The following COX8A variants were observed in gnomAD, a reference collection of about 807,000 sequenced individuals.
COX8A encodes cytochrome c oxidase subunit 8A.
A neutral mutation model predicts 4.4 loss-of-function variants in COX8A; 6 were observed. The observed-to-expected ratio is 1.36, with a 90% CI of 0.74 to 2.68. COX8A has a LOEUF of 2.68. Ranked by LOEUF, COX8A falls within the 30% of genes most tolerant of loss-of-function variation. The pLI is 0.00. For synonymous variants in COX8A, 53 were observed against 47.1 expected (o/e 1.12, Z -0.51); for missense variants, 72 against 89.6 (o/e 0.80, Z 0.79).
Position 63,974,772 on chromosome 11 carries a change from C to T in COX8A, c.92C>T (p.Pro31Leu). The change falls in exon 1 of 2, where the codon CCG (proline) becomes CTG (leucine). Residue 31 changes from proline to leucine, a missense_variant. Pro to Leu is a moderately conservative substitution (Grantham distance 98, BLOSUM62 -3). Transcript: ENST00000314133. ...VPRAKIHSLP[P>L]EGKLGIMELA... ...CGCGCCAAGATCCATTCGTTGCCGC[C>T]GGAGGGGAAGCTTGGGATCATGGTG... The T allele has an allele frequency of 1.2e-6, 2 of 1,607,220 alleles. No homozygotes were observed. Among genetic ancestry groups the T allele is most frequent in the East Asian group, 2.2e-5 (1 of 44,668 alleles).
chr11:63,976,378 T>C lies in COX8A; in HGVS notation c.*58T>C. The C allele has an allele frequency of 6.7e-7, 1 of 1,495,170 alleles. No individual in the cohort carries two copies. Among genetic ancestry groups the C allele is most frequent in the Non-Finnish European group, 9.3e-7 (1 of 1,073,174 alleles). The allele number at this position is 1,495,170 out of a possible 1,614,324, so 92.6% of individuals were successfully genotyped here. A position where few individuals can be genotyped will look rare whatever the true frequency, so the allele number is the denominator to read the frequency against. ...GACCAGCCCCACCGGCCCATCCTGG[T>C]CATGTTACTGCATTTGTGGCCGGCC... On this transcript the variant is annotated 3_prime_UTR_variant, in exon 2 of 2. Coordinates refer to ENST00000314133, the MANE Select transcript of COX8A (RefSeq NM_004074.3).
Position 63,976,370 on chromosome 11 carries a change from C to T in COX8A, c.*50C>T. On this transcript the variant is annotated 3_prime_UTR_variant, in exon 2 of 2. Coordinates refer to ENST00000314133, the MANE Select transcript of COX8A (RefSeq NM_004074.3). ...TGTGACCTGACCAGCCCCACCGGCC[C>T]ATCCTGGTCATGTTACTGCATTTGT... is the stretch of plus-strand genomic sequence containing the variant. The T allele has an allele frequency of 3.3e-6, 5 of 1,529,824 alleles. No homozygotes were observed. The highest frequency in any genetic ancestry group is 4.5e-6 in the Non-Finnish European group (5 of 1,104,380). The allele number at this position is 1,529,824 out of a possible 1,614,324, so 94.8% of individuals were successfully genotyped here.
Position 63,974,687 on chromosome 11 carries a change from G to A in COX8A, c.7G>A (p.Val3Ile). 1 of 1,606,470 alleles carries A rather than the reference G, an allele frequency of 6.2e-7. No individual in the cohort carries two copies. Among genetic ancestry groups the A allele is most frequent in the Non-Finnish European group, 8.5e-7 (1 of 1,176,278 alleles). The change falls in exon 1 of 2, where the codon GTC becomes ATC. Residue 3 changes from valine (V) to isoleucine (I), a missense_variant. Transcript: ENST00000314133. MS[V>I]LTPLLLRGLT... ...TGGTGTACTCCGTGCCATCATGTCC[G>A]TCCTGACGCCGCTGCTGCTGCGGGG...
rs745949117 is a variant in COX8A at position 63,976,307 on chromosome 11, G to A, written c.197G>A (p.Arg66Lys). 2 of 1,614,140 alleles carry A rather than the reference G, an allele frequency of 1.2e-6. No homozygotes were observed. ...GWILSHLETY[R>K]RPE Reference sequence around the variant, plus strand: ...ATCCTGTCACACCTGGAGACCTACAGGAGGCCAGAGTGAAGGGGTCCGTTC... The same window carrying A: ...ATCCTGTCACACCTGGAGACCTACAAGAGGCCAGAGTGAAGGGGTCCGTTC... Residue 66 changes from arginine to lysine, a missense_variant, in exon 2 of 2, where the codon AGG becomes AAG. Coordinates refer to ENST00000314133, the MANE Select transcript of COX8A (RefSeq NM_004074.3).
chr11:63,974,672 C>A lies in COX8A; in HGVS notation c.-9C>A, dbSNP rs773908478. 11 of 1,599,604 alleles carry A rather than the reference C, an allele frequency of 6.9e-6. No homozygotes were observed. The highest frequency in any genetic ancestry group is 1.7e-4 in the Middle Eastern group (1 of 6,034). On this transcript the variant is annotated 5_prime_UTR_variant, in exon 1 of 2. Transcript: ENST00000314133. ...GCTGACCGTTTTTTGTGGTGTACTC[C>A]GTGCCATCATGTCCGTCCTGACGCC...
In COX8A at chr11:63,976,272, A is replaced by G; in HGVS notation, c.162A>G (p.Pro54=). The G allele has an allele frequency of 6.2e-7, 1 of 1,614,158 alleles. No homozygotes were observed. The highest frequency in any genetic ancestry group is 8.5e-7 in the Non-Finnish European group (1 of 1,180,034). Residue 54 remains proline, a synonymous_variant, in exon 2 of 2, where the codon CCA becomes CCG. Coordinates refer to ENST00000314133, the MANE Select transcript of COX8A (RefSeq NM_004074.3). ...CCTGCTTCGTGACCTTCCTCCTGCC[A>G]GCGGGCTGGATCCTGTCACACCTGG... ...LTSCFVTFLL[P]AGWILSHLET... is the part of the protein sequence containing the mutation.
At chr11:63,976,148 G>A in intron 1 of COX8A, 77 bp from the exon 2 acceptor site, 1 of 1,396,952 alleles carries the variant, frequency 7.2e-7, no homozygotes, top group Non-Finnish European at 1.0e-6. Context: ...GCTTTCTGCT[G>A]CCTGGGAACT....
Position 63,976,295 on chromosome 11 carries a change from T to G in COX8A, c.185T>G (p.Leu62Arg). ...LLPAGWILSH[L>R]ETYRRPE ...CCAGCGGGCTGGATCCTGTCACACC[T>G]GGAGACCTACAGGAGGCCAGAGTGA... is the stretch of plus-strand genomic sequence containing the variant. The change falls in exon 2 of 2, where the codon CTG (leucine) becomes CGG (arginine). Residue 62 changes from leucine to arginine, a missense_variant. Physicochemically the swap from Leu to Arg is moderately radical, Grantham distance 102 (BLOSUM62 -2). Coordinates refer to ENST00000314133, the MANE Select transcript of COX8A (RefSeq NM_004074.3). The G allele has an allele frequency of 6.2e-7, 1 of 1,614,194 alleles. No individual in the cohort carries two copies. Among genetic ancestry groups the G allele is most frequent in the Non-Finnish European group, 8.5e-7 (1 of 1,180,020 alleles).
At position 63,976,438 on chromosome 11, in the gene COX8A, C is replaced by T. The variant is rs1942541769; in HGVS notation, c.*118C>T. 3.3e-6 allele frequency: 3 copies of T among 906,330 alleles called. No individual in the cohort carries two copies. The highest frequency in any genetic ancestry group is 3.5e-6 in the Non-Finnish European group (2 of 567,664). 56.1% of individuals were successfully genotyped at this position (906,330 alleles called of 1,614,324 possible). A position where few individuals can be genotyped will look rare whatever the true frequency, so the allele number is the denominator to read the frequency against. ...TCATGTCATTCAATTCCAGTCACCTCTTCTGCAATCATGACCTCTTGATGT... is the reference window on the plus strand; with the variant it reads ...TCATGTCATTCAATTCCAGTCACCTTTTCTGCAATCATGACCTCTTGATGT... On this transcript the variant is annotated 3_prime_UTR_variant, in exon 2 of 2. Transcript: ENST00000314133.
chr11:63,975,696 T>C (rs1335752675), intron 1 of COX8A, among the ~76,000 whole-genome samples: 2 of 151,936 alleles, frequency 1.3e-5, no homozygotes, highest in Admixed American at 6.6e-5. Context: ...TTCTCCTGCC[T>C]CAGTCTCCCG....
chr11:63,976,274 C>T lies in COX8A; in HGVS notation c.164C>T (p.Ala55Val), dbSNP rs754961342. 6.2e-6 allele frequency: 10 copies of T among 1,614,036 alleles called. No individual in the cohort carries two copies. Among genetic ancestry groups the T allele is most frequent in the African/African-American group, 2.7e-5 (2 of 74,912 alleles). Reference sequence around the variant, plus strand: ...TGCTTCGTGACCTTCCTCCTGCCAGCGGGCTGGATCCTGTCACACCTGGAG... The same window carrying T: ...TGCTTCGTGACCTTCCTCCTGCCAGTGGGCTGGATCCTGTCACACCTGGAG... The part of the protein sequence containing the change: ...TSCFVTFLLP[A>V]GWILSHLETY... Residue 55 changes from alanine to valine, a missense_variant, in exon 2 of 2, where the codon GCG (alanine) becomes GTG (valine). Physicochemically the swap from Ala to Val is moderately conservative, Grantham distance 64. Coordinates refer to ENST00000314133, the MANE Select transcript of COX8A (RefSeq NM_004074.3).
Position 63,976,260 on chromosome 11 carries a change from C to A in COX8A, c.150C>A (p.Thr50=). The change falls in exon 2 of 2, where the codon ACC becomes ACA. Residue 50 remains threonine (T), a synonymous_variant. Transcript: ENST00000314133. The part of the protein sequence containing the change: ...LAVGLTSCFV[T]FLLPAGWILS... ...TTGGGCTTACCTCCTGCTTCGTGAC[C>A]TTCCTCCTGCCAGCGGGCTGGATCC... is the stretch of plus-strand genomic sequence containing the variant. The A allele has an allele frequency of 1.2e-6, 2 of 1,614,178 alleles. No individual in the cohort carries two copies. The highest frequency in any genetic ancestry group is 1.7e-6 in the Non-Finnish European group (2 of 1,180,038).
chr11:63,975,012 C>CGGGTCT (rs1942526583), intron 1 of COX8A, among the ~76,000 whole-genome samples: 1 of 152,114 alleles, frequency 6.6e-6, no homozygotes, highest in Non-Finnish European at 1.5e-5. Context: ...CCCAGGATCT[C>CGGGTCT]GGGTCTGGTC....
Position 63,974,717 on chromosome 11 carries a change from A to G in COX8A, c.37A>G (p.Thr13Ala), listed in dbSNP as rs754143036. The change falls in exon 1 of 2, where the codon ACA becomes GCA. Residue 13 changes from threonine to alanine, a missense_variant. Thr to Ala is a moderately conservative substitution (Grantham distance 58). Transcript: ENST00000314133. ...GACGCCGCTGCTGCTGCGGGGCTTG[A>G]CAGGCTCGGCCCGGCGGCTCCCAGT... ...VLTPLLLRGL[T>A]GSARRLPVPR... 5 of 1,609,960 alleles carry G rather than the reference A, an allele frequency of 3.1e-6. No individual in the cohort carries two copies.
chr11:63,974,942 C>A, intron 1 of COX8A, 148 bp downstream of exon 1: 1 of 712,660 alleles, frequency 1.4e-6, no homozygotes, highest in South Asian at 1.9e-5. Flanking sequence ...AGGGCGCGAA[C>A]GACGGGGACA....
intron 1 of COX8A, among the ~76,000 whole-genome samples, chr11:63,975,922 TC>T (rs1942536063): frequency 6.6e-6 from 1 of 152,172 alleles, no homozygotes; most frequent in Non-Finnish European, 1.5e-5. Flanking sequence ...CTGCTTCCTG[TC>T]CCTTCCTTTA....
rs1022817952 is a variant in COX8A at position 63,974,645 on chromosome 11, C to T, written c.-36C>T. The T allele has an allele frequency of 1.3e-6, 2 of 1,566,772 alleles. No homozygotes were observed. Among genetic ancestry groups the T allele is most frequent in the South Asian group, 1.2e-5 (1 of 86,414 alleles). On this transcript the variant is annotated 5_prime_UTR_variant, in exon 1 of 2. The change creates a new upstream start codon in the 5' untranslated region. Transcript: ENST00000314133. ...ATTTTGGCTTCCTGACCTTGGGCTA[C>T]GGCTGACCGTTTTTTGTGGTGTACT...
At chr11:63,975,354 T>G (rs985916345) in intron 1 of COX8A, among the ~76,000 whole-genome samples, 3 of 151,728 alleles carry the variant, frequency 2.0e-5, no homozygotes, top group African/African-American at 7.3e-5. Context: ...AAATTTTGTA[T>G]TTTTAGTAGA....
chr11:63,974,831 TG>T, intron 1 of COX8A, 37 bp downstream of exon 1: 1 of 1,524,276 alleles, frequency 6.6e-7, no homozygotes, highest in Non-Finnish European at 8.8e-7. Flanking sequence ...GGAGGCGCCG[TG>T]GGCTGACCCC....
Sources: allele counts gnomAD v4.1 joint callset (sites outside exome capture counted in the v4.1 genomes callset), GRCh38; gene constraint gnomAD v4.1.1; transcripts MANE v1.5; gene names NCBI Gene and HGNC (gene_info 2026-07-23, HGNC 2026-07-21).